PTGFR: variants seen among roughly 807,000 people sequenced by gnomAD.
PTGFR encodes prostaglandin F2-alpha receptor.
A neutral mutation model predicts 26.2 loss-of-function variants in PTGFR; 15 were observed. That is an observed-to-expected ratio of 0.57 (90% CI 0.38 to 0.88). The LOEUF (loss-of-function observed/expected upper bound fraction) is 0.88, where lower values mean the gene tolerates loss of function less well. Among genes scored for constraint, PTGFR ranks in the 40% least tolerant of loss-of-function variants. PTGFR has a pLI of 0.00. For synonymous variants in PTGFR, 165 were observed against 151.1 expected (o/e 1.09, Z -0.68); for missense variants, 369 against 427.2 (o/e 0.86, Z 1.20).
intron 2 of PTGFR, among the ~76,000 whole-genome samples, chr1:78,507,979 T>A (rs972296142): frequency 6.6e-6 from 1 of 152,218 alleles, no homozygotes; most frequent in Non-Finnish European, 1.5e-5. Flanking sequence ...AAGAAGGAGT[T>A]TGAAACCAAT....
At chr1:78,513,654 C>T (rs1650024747) in intron 2 of PTGFR, among the ~76,000 whole-genome samples, 1 of 151,962 alleles carries the variant, frequency 6.6e-6, no homozygotes, top group Admixed American at 6.6e-5. Flanking sequence ...GTCTGTGGAG[C>T]AATCACTTTC....
intron 2 of PTGFR, among the ~76,000 whole-genome samples, chr1:78,534,457 T>G (rs1650596497): frequency 6.6e-6 from 1 of 152,190 alleles, no homozygotes; most frequent in Non-Finnish European, 1.5e-5. Context: ...TCCATAGAGA[T>G]GTACACAAAT....
chr1:78,529,046 A>G (rs953236607), intron 2 of PTGFR, among the ~76,000 whole-genome samples: 3 of 152,196 alleles, frequency 2.0e-5, no homozygotes, highest in Non-Finnish European at 2.9e-5. Context: ...TGAGAAAAAA[A>G]TTCTCATTAA....
chr1:78,537,855 T>G lies in PTGFR; in HGVS notation c.*1168T>G, dbSNP rs1235474415. 5 of 152,142 alleles carry G rather than the reference T, an allele frequency of 3.3e-5. No homozygotes were observed. Among genetic ancestry groups the G allele is most frequent in the Non-Finnish European group, 7.4e-5 (5 of 68,004 alleles). The allele number at this position is 152,142 out of a possible 1,614,324, so 9.4% of individuals were successfully genotyped here. On this transcript the variant is annotated 3_prime_UTR_variant, in exon 3 of 3. Transcript: ENST00000370757. ...AATAATCTCTCCCCAAATTTTCCAA[T>G]AATAATTGAGACTTTTTCTTTGCTT...
chr1:78,522,419 T>A (rs1160865430), intron 2 of PTGFR, among the ~76,000 whole-genome samples: 5 of 152,072 alleles, frequency 3.3e-5, no homozygotes, highest in Non-Finnish European at 7.4e-5. Context: ...TTCCAGGGCC[T>A]AGGTTGGGCA....
intron 2 of PTGFR, among the ~76,000 whole-genome samples, chr1:78,520,920 C>T (rs1650206413): frequency 6.6e-6 from 1 of 152,042 alleles, no homozygotes; most frequent in African/African-American, 2.4e-5. Flanking sequence ...AATTTGAAGG[C>T]AAGTAATGGC....
chr1:78,502,676 T>A (rs1649738649), intron 2 of PTGFR, among the ~76,000 whole-genome samples: 1 of 152,152 alleles, frequency 6.6e-6, no homozygotes, highest in Admixed American at 6.6e-5. Context: ...TAATGGGAAT[T>A]ATAAGAGGGA....
intron 2 of PTGFR, among the ~76,000 whole-genome samples, chr1:78,526,580 C>T (rs1650379247): frequency 6.6e-6 from 1 of 152,060 alleles, no homozygotes; most frequent in South Asian, 2.1e-4. Context: ...GAAGCCAAGA[C>T]AAATAACCTT....
In PTGFR at chr1:78,492,884, C is replaced by G; in HGVS notation, c.141C>G (p.Ala47=). The change falls in exon 2 of 3, where the codon GCC becomes GCG. Residue 47 remains alanine (A), a synonymous_variant. Coordinates refer to ENST00000370757, the MANE Select transcript of PTGFR (RefSeq NM_000959.4). ...MTVGILSNSL[A]IAILMKAYQR... ...TGGGAATCTTGTCAAACAGCCTTGC[C>G]ATCGCCATTCTCATGAAGGCATATC... 7 of 1,614,216 alleles carry G rather than the reference C, an allele frequency of 4.3e-6. No homozygotes were observed. The highest frequency in any genetic ancestry group is 5.9e-6 in the Non-Finnish European group (7 of 1,180,052).
chr1:78,492,448 G>C (rs772408504), intron 1 of PTGFR, among the ~76,000 whole-genome samples: 10 of 152,094 alleles, frequency 6.6e-5, no homozygotes, highest in South Asian at 2.1e-4. Flanking sequence ...ATTTGCAGAG[G>C]GGCCACAGAA....
At chr1:78,526,966 T>C (rs948178750) in intron 2 of PTGFR, among the ~76,000 whole-genome samples, 1 of 152,118 alleles carries the variant, frequency 6.6e-6, no homozygotes, top group Non-Finnish European at 1.5e-5. Flanking sequence ...GGATAGATGA[T>C]AGTCAGCAGG....
At position 78,493,279 on chromosome 1, in the gene PTGFR, T is replaced by A. The variant is rs1222989651; in HGVS notation, c.536T>A (p.Ile179Asn). 17 of 1,614,058 alleles carry A rather than the reference T, an allele frequency of 1.1e-5. No individual in the cohort carries two copies. Among genetic ancestry groups the A allele is most frequent in the Non-Finnish European group, 3.4e-6 (4 of 1,180,032 alleles). ...LPILGHRDYK[I>N]QASRTWCFYN... ...ATCCTTGGACATCGAGACTATAAAA[T>A]TCAGGCGTCGAGGACCTGGTGTTTC... is the stretch of plus-strand genomic sequence containing the variant. The change falls in exon 2 of 3, where the codon ATT becomes AAT. Residue 179 changes from isoleucine (I) to asparagine (N), a missense_variant. By Grantham distance (149) the Ile-to-Asn change is moderately radical. Transcript: ENST00000370757.
chr1:78,514,471 G>A (rs577870506), intron 2 of PTGFR, among the ~76,000 whole-genome samples: 108 of 152,278 alleles, frequency 7.1e-4, no homozygotes, highest in Middle Eastern at 3.4e-3. Context: ...TAAACCCAAT[G>A]TCTGTATACC....
chr1:78,507,413 G>A (rs1022406203), intron 2 of PTGFR, among the ~76,000 whole-genome samples: 1 of 152,116 alleles, frequency 6.6e-6, no homozygotes, highest in Non-Finnish European at 1.5e-5. Context: ...AGCTTATTTG[G>A]CCATACTGGA....
chr1:78,534,851 G>C (rs1039248466), intron 2 of PTGFR, among the ~76,000 whole-genome samples: 5 of 152,044 alleles, frequency 3.3e-5, no homozygotes, highest in Non-Finnish European at 5.9e-5. Flanking sequence ...AGGTGGTCCT[G>C]AATTATCAAT....
intron 2 of PTGFR, among the ~76,000 whole-genome samples, chr1:78,495,428 T>C (rs1381603748): frequency 6.6e-6 from 1 of 152,214 alleles, no homozygotes; most frequent in Non-Finnish European, 1.5e-5. Flanking sequence ...CTTTTAAAAC[T>C]AAAAAGTGAG....
intron 2 of PTGFR, among the ~76,000 whole-genome samples, chr1:78,502,684 G>C (rs1176526629): frequency 1.3e-5 from 2 of 152,016 alleles, no homozygotes; most frequent in African/African-American, 2.4e-5. Flanking sequence ...ATTATAAGAG[G>C]GATTTGTCAC....
chr1:78,520,636 A>G (rs1232177025), intron 2 of PTGFR, among the ~76,000 whole-genome samples: 1 of 152,122 alleles, frequency 6.6e-6, no homozygotes, highest in Non-Finnish European at 1.5e-5. Context: ...TGAGTGAGTC[A>G]TTAGTATAAT....
intron 2 of PTGFR, among the ~76,000 whole-genome samples, chr1:78,514,559 T>C (rs1650048327): frequency 6.6e-6 from 1 of 152,208 alleles, no homozygotes; most frequent in South Asian, 2.1e-4. Context: ...CAGATGAGAC[T>C]TTGGACTTGG....
Sources: gnomAD v4.1 joint callset for allele counts (sites outside exome capture counted in the v4.1 genomes callset) on GRCh38, gnomAD v4.1.1 for gene constraint, MANE v1.5 for transcripts, NCBI Gene and HGNC (gene_info 2026-07-23, HGNC 2026-07-21) for gene names.